Variants in CCR4 observed in about 807,000 individuals in gnomAD.
The protein encoded by CCR4 is C-C chemokine receptor type 4.
CCR4 carries 9 observed loss-of-function variants against 17.1 expected under a neutral mutation model. That is an observed-to-expected ratio of 0.53 (90% CI 0.32 to 0.92). The LOEUF (loss-of-function observed/expected upper bound fraction) is 0.92. CCR4 is among the 40% of genes least tolerant of loss of function. The probability of loss-of-function intolerance (pLI) is 0.04; values close to 1 mark genes in which losing one functional copy is unlikely to be tolerated. For missense variants in CCR4, 385 were observed against 433.9 expected (o/e 0.89, Z 1.00); for synonymous variants, 217 against 174.3 (o/e 1.24, Z -1.93).
rs761318716 is a variant in CCR4 at position 32,953,428 on chromosome 3, C to T, written c.6C>T (p.Asn2=). 3.7e-6 allele frequency: 6 copies of T among 1,600,672 alleles called. No individual in the cohort carries two copies. The highest frequency in any genetic ancestry group is 5.1e-6 in the Non-Finnish European group (6 of 1,173,886). M[N]PTDIADTTLD... ...GGAGCCTGTAGAGTTAAAAAATGAACCCCACGGATATAGCAGACACCACCC... is the reference window on the plus strand; with the variant it reads ...GGAGCCTGTAGAGTTAAAAAATGAATCCCACGGATATAGCAGACACCACCC... Residue 2 remains asparagine (N), a synonymous_variant, in exon 2 of 2, where the codon AAC becomes AAT. Transcript: ENST00000330953.
At position 32,954,278 on chromosome 3, in the gene CCR4, A is replaced by T. The variant is rs1697728194; in HGVS notation, c.856A>T (p.Ile286Phe). 6.2e-7 allele frequency: 1 copy of T among 1,614,094 alleles called. No homozygotes were observed. Among genetic ancestry groups the T allele is most frequent in the Non-Finnish European group, 8.5e-7 (1 of 1,180,024 alleles). The change falls in exon 2 of 2, where the codon ATC becomes TTC. Residue 286 changes from isoleucine (I) to phenylalanine (F), a missense_variant. Coordinates refer to ENST00000330953, the MANE Select transcript of CCR4 (RefSeq NM_005508.5). ...CTFERYLDYA[I>F]QATETLAFVH... ...CTTTGAAAGATACTTGGACTATGCC[A>T]TCCAGGCCACAGAAACTCTGGCTTT... is the stretch of plus-strand genomic sequence containing the variant.
chr3:32,953,602 G>T lies in CCR4; in HGVS notation c.180G>T (p.Val60=). The T allele has an allele frequency of 6.2e-7, 1 of 1,614,024 alleles. No individual in the cohort carries two copies. Among genetic ancestry groups the T allele is most frequent in the Non-Finnish European group, 8.5e-7 (1 of 1,180,020 alleles). The part of the protein sequence containing the change: ...FVFGLLGNSV[V]VLVLFKYKRL... ...TTGGTCTGCTTGGAAATTCTGTGGT[G>T]GTTCTGGTCCTGTTCAAATACAAGC... Residue 60 remains valine (V), a synonymous_variant, in exon 2 of 2, where the codon GTG becomes GTT. Coordinates refer to ENST00000330953, the MANE Select transcript of CCR4 (RefSeq NM_005508.5).
Position 32,954,127 on chromosome 3 carries a change from G to A in CCR4, c.705G>A (p.Glu235=), listed in dbSNP as rs1163210815. The A allele has an allele frequency of 5.0e-6, 8 of 1,614,018 alleles. No individual in the cohort carries two copies. The highest frequency in any genetic ancestry group is 2.7e-5 in the African/African-American group (2 of 74,926). The change falls in exon 2 of 2, where the codon GAG becomes GAA. Residue 235 remains glutamate (E), a synonymous_variant. Transcript: ENST00000330953. ...GGACCTTGCAGCATTGTAAAAATGA[G>A]AAGAAGAACAAGGCGGTGAAGATGA... The part of the protein sequence containing the change: ...IIRTLQHCKN[E]KKNKAVKMIF...
Position 32,956,246 on chromosome 3 carries a change from C to T in CCR4, c.*1741C>T, listed in dbSNP as rs1695722261. On this transcript the variant is annotated 3_prime_UTR_variant, in exon 2 of 2. Coordinates refer to ENST00000330953, the MANE Select transcript of CCR4 (RefSeq NM_005508.5). Reference sequence around the variant, plus strand: ...CCAAGGTCTTTTACTTGTTTATAAACAGTCTCTTCATAATTAAAATTAAGG... The same window carrying T: ...CCAAGGTCTTTTACTTGTTTATAAATAGTCTCTTCATAATTAAAATTAAGG... 1.2e-5 allele frequency: 2 copies of T among 166,556 alleles called. No individual in the cohort carries two copies. The highest frequency in any genetic ancestry group is 2.9e-5 in the Non-Finnish European group (2 of 68,002). 10.3% of individuals were successfully genotyped at this position (166,556 alleles called of 1,614,324 possible). A position where few individuals can be genotyped will look rare whatever the true frequency, so the allele number is the denominator to read the frequency against.
At chr3:32,952,756 T>C (rs1388428420) in intron 1 of CCR4, among the ~76,000 whole-genome samples, 1 of 152,230 alleles carries the variant, frequency 6.6e-6, no homozygotes, top group Non-Finnish European at 1.5e-5. Flanking sequence ...TGAATTGCTC[T>C]GATACACATG....
chr3:32,952,763 CAT>C (rs1161788092), intron 1 of CCR4, among the ~76,000 whole-genome samples: 8 of 152,176 alleles, frequency 5.3e-5, no homozygotes, highest in East Asian at 1.9e-4. Flanking sequence ...CTCTGATACA[CAT>C]GTCAGCATGT....
chr3:32,952,845 G>T (rs918334946), intron 1 of CCR4, among the ~76,000 whole-genome samples: 2 of 152,120 alleles, frequency 1.3e-5, no homozygotes, highest in Non-Finnish European at 2.9e-5. Flanking sequence ...GGTTGGGGAG[G>T]TAGAGGTTTT....
In CCR4 at chr3:32,953,759, A is replaced by G; in HGVS notation, c.337A>G (p.Ile113Val). ...TTTTGGGCTAGGTCTGTGCAAGATG[A>G]TTTCCTGGATGTACTTGGTGGGCTT... ...WVFGLGLCKM[I>V]SWMYLVGFYS... Residue 113 changes from isoleucine to valine, a missense_variant, in exon 2 of 2, where the codon ATT becomes GTT. Coordinates refer to ENST00000330953, the MANE Select transcript of CCR4 (RefSeq NM_005508.5). The G allele has an allele frequency of 6.2e-7, 1 of 1,613,706 alleles. No homozygotes were observed. Among genetic ancestry groups the G allele is most frequent in the Admixed American group, 1.7e-5 (1 of 59,920 alleles).
rs765239072 is a variant in CCR4 at position 32,954,020 on chromosome 3, G to A, written c.598G>A (p.Val200Ile). 16 of 1,614,002 alleles carry A rather than the reference G, an allele frequency of 9.9e-6. No homozygotes were observed. Among genetic ancestry groups the A allele is most frequent in the Non-Finnish European group, 1.4e-5 (16 of 1,180,046 alleles). ...KYSLNSTTWK[V>I]LSSLEINILG... The stretch of plus-strand genomic sequence containing the variant: ...CTCTCTCAACTCCACGACGTGGAAG[G>A]TTCTCAGCTCCCTGGAAATCAACAT... Residue 200 changes from valine (V) to isoleucine (I), a missense_variant, in exon 2 of 2, where the codon GTT (valine) becomes ATT (isoleucine). Coordinates refer to ENST00000330953, the MANE Select transcript of CCR4 (RefSeq NM_005508.5).
chr3:32,954,342 T>TG lies in CCR4; in HGVS notation c.925dup (p.Glu309GlyfsTer33). 1 of 1,614,102 alleles carries TG rather than the reference T, an allele frequency of 6.2e-7. No homozygotes were observed. Among genetic ancestry groups the TG allele is most frequent in the Non-Finnish European group, 8.5e-7 (1 of 1,180,026 alleles). ...CTTAATCCCATCATCTACTTTTTTC[T>TG]GGGGGAGAAATTTCGCAAGTACATC... On this transcript the variant is annotated frameshift_variant, in exon 2 of 2. Coordinates refer to ENST00000330953, the MANE Select transcript of CCR4 (RefSeq NM_005508.5). LOFTEE classifies it high-confidence loss of function.
chr3:32,955,601 CTTGTTTTTTTT>C lies in CCR4; in HGVS notation c.*1099_*1109del, dbSNP rs1695709874. ...GAATACATTTATTTGAGGTCATTTA[CTTGTTTTTTTT>C]TTTTTTTTTTTTTTTGAGATGGAAT... On this transcript the variant is annotated 3_prime_UTR_variant, in exon 2 of 2. Coordinates refer to ENST00000330953, the MANE Select transcript of CCR4 (RefSeq NM_005508.5). 1 of 133,462 alleles carries C rather than the reference CTTGTTTTTTTT, an allele frequency of 7.5e-6. No homozygotes were observed. The highest frequency in any genetic ancestry group is 1.7e-5 in the Non-Finnish European group (1 of 58,838). 8.3% of individuals were successfully genotyped at this position (133,462 alleles called of 1,614,324 possible). A position where few individuals can be genotyped will look rare whatever the true frequency, so the allele number is the denominator to read the frequency against.
In CCR4 at chr3:32,953,989, C is replaced by G. The variant is rs748671630; in HGVS notation, c.567C>G (p.Thr189=). 4 of 1,614,004 alleles carry G rather than the reference C, an allele frequency of 2.5e-6. No homozygotes were observed. The African/African-American group carries it at 4.0e-5, about 16-fold the overall frequency. The change falls in exon 2 of 2, where the codon ACC becomes ACG. Residue 189 remains threonine, a synonymous_variant. Coordinates refer to ENST00000330953, the MANE Select transcript of CCR4 (RefSeq NM_005508.5). ...AGCGCAACCATACCTACTGCAAAAC[C>G]AAGTACTCTCTCAACTCCACGACGT... ...YTERNHTYCK[T]KYSLNSTTWK...
chr3:32,954,504 A>AG lies in CCR4; in HGVS notation c.1083dup. Reference sequence around the variant, plus strand: ...GATCATGATCTCCATGATGCTCTGTAGAAAAATGAAATGGTGAAATGCAGA... The same window carrying AG: ...GATCATGATCTCCATGATGCTCTGTAGGAAAAATGAAATGGTGAAATGCAGA... ...TMDHDLHDAL[*] The change falls in exon 2 of 2, where the codon TAG becomes TAGG. Residue 361 remains the stop codon, a frameshift_variant and stop_retained_variant. Transcript: ENST00000330953. LOFTEE classifies it high-confidence loss of function. 6.6e-7 allele frequency: 1 copy of AG among 1,517,256 alleles called. No individual in the cohort carries two copies. The highest frequency in any genetic ancestry group is 8.8e-7 in the Non-Finnish European group (1 of 1,135,744). The allele number at this position is 1,517,256 out of a possible 1,614,324, so 94.0% of individuals were successfully genotyped here. A position where few individuals can be genotyped will look rare whatever the true frequency, so the allele number is the denominator to read the frequency against.
Position 32,953,930 on chromosome 3 carries a change from C to T in CCR4, c.508C>T (p.Leu170Phe), listed in dbSNP as rs1276512685. Residue 170 changes from leucine to phenylalanine, a missense_variant, in exon 2 of 2, where the codon CTT becomes TTT. By Grantham distance (22) the Leu-to-Phe change is conservative (BLOSUM62 0). Coordinates refer to ENST00000330953, the MANE Select transcript of CCR4 (RefSeq NM_005508.5). Reference sequence around the variant, plus strand: ...ATGGTCAGTGGCTGTGTTCGCCTCCCTTCCTGGCTTTCTGTTCAGCACTTG... The same window carrying T: ...ATGGTCAGTGGCTGTGTTCGCCTCCTTTCCTGGCTTTCTGTTCAGCACTTG... ...ATWSVAVFAS[L>F]PGFLFSTCYT... The T allele has an allele frequency of 6.2e-7, 1 of 1,614,096 alleles. No individual in the cohort carries two copies.
intron 1 of CCR4, among the ~76,000 whole-genome samples, chr3:32,953,064 C>G (rs1697695829): frequency 6.6e-6 from 1 of 152,136 alleles, no homozygotes; most frequent in Non-Finnish European, 1.5e-5. Flanking sequence ...TGAAACACAT[C>G]CTCAAAGAAC....
At position 32,954,861 on chromosome 3, in the gene CCR4, A is replaced by G. The variant is rs1695687328; in HGVS notation, c.*356A>G. ...GTTTCTCCAGAGGGAATTGCAGAGT[A>G]CTGGCTGATGGAGTAAATCGCTACC... On this transcript the variant is annotated 3_prime_UTR_variant, in exon 2 of 2. Transcript: ENST00000330953. 4 of 203,388 alleles carry G rather than the reference A, an allele frequency of 2.0e-5. No homozygotes were observed. The highest frequency in any genetic ancestry group is 4.3e-5 in the Non-Finnish European group (4 of 92,012). 12.6% of individuals were successfully genotyped at this position (203,388 alleles called of 1,614,324 possible).
At position 32,953,561 on chromosome 3, in the gene CCR4, T is replaced by C. The variant is rs1697716180; in HGVS notation, c.139T>C (p.Ser47Pro). 1.3e-5 allele frequency: 21 copies of C among 1,614,070 alleles called. No homozygotes were observed. The highest frequency in any genetic ancestry group is 1.8e-5 in the Non-Finnish European group (21 of 1,180,020). ...GGAGCTCTTCCTGCCCCCACTGTAT[T>C]CCTTGGTTTTTGTATTTGGTCTGCT... ...FGELFLPPLY[S>P]LVFVFGLLGN... The change falls in exon 2 of 2, where the codon TCC becomes CCC. Residue 47 changes from serine to proline, a missense_variant. Physicochemically the swap from Ser to Pro is moderately conservative, Grantham distance 74. Transcript: ENST00000330953.
intron 1 of CCR4, among the ~76,000 whole-genome samples, chr3:32,952,151 A>G (rs1697683095): frequency 6.6e-6 from 1 of 152,202 alleles, no homozygotes; most frequent in South Asian, 2.1e-4. Context: ...GTCATTCAAC[A>G]AACTTTTTTG....
chr3:32,953,467 A>G lies in CCR4; in HGVS notation c.45A>G (p.Ile15Met), dbSNP rs1198566608. 13 of 1,614,048 alleles carry G rather than the reference A, an allele frequency of 8.1e-6. No individual in the cohort carries two copies. The highest frequency in any genetic ancestry group is 1.0e-5 in the Non-Finnish European group (12 of 1,179,984). Residue 15 changes from isoleucine to methionine, a missense_variant, in exon 2 of 2, where the codon ATA becomes ATG. Ile to Met is a conservative substitution (Grantham distance 10). Transcript: ENST00000330953. ...CAGACACCACCCTCGATGAAAGCAT[A>G]TACAGCAATTACTATCTGTATGAAA... ...DIADTTLDES[I>M]YSNYYLYESI... is the part of the protein sequence containing the mutation.
Sources: allele counts gnomAD v4.1 joint callset (sites outside exome capture counted in the v4.1 genomes callset), GRCh38; gene constraint gnomAD v4.1.1; transcripts MANE v1.5; gene names NCBI Gene and HGNC (gene_info 2026-07-23, HGNC 2026-07-21).